EARS2: variants seen among roughly 807,000 people sequenced by gnomAD.
EARS2 encodes the protein nondiscriminating glutamyl-tRNA synthetase EARS2, mitochondrial.
EARS2 carries 50 observed loss-of-function variants against 54.1 expected under a neutral mutation model. The observed-to-expected ratio is 0.92, with a 90% CI of 0.74 to 1.17. The LOEUF (loss-of-function observed/expected upper bound fraction) is 1.17. EARS2 is among the 50% of genes most tolerant of loss of function. The pLI is 0.00. For synonymous variants in EARS2, 298 were observed against 281.0 expected (o/e 1.06, Z -0.61); for missense variants, 673 against 675.0 (o/e 1.00, Z 0.03).
At chr16:23,535,447 A>ACTGT in intron 3 of EARS2, 87 bp from the exon 4 acceptor site, 1 of 1,287,146 alleles carries the variant, frequency 7.8e-7, no homozygotes, top group South Asian at 1.4e-5. Flanking sequence ...TGTGACCTTA[A>ACTGT]GCAAGTCAGT....
chr16:23,548,927 G>A (rs1159724261), intron 2 of EARS2, among the ~76,000 whole-genome samples: 1 of 152,138 alleles, frequency 6.6e-6, no homozygotes, highest in African/African-American at 2.4e-5. Context: ...CAGCCTCACA[G>A]ATGGCTACCA....
chr16:23,544,577 A>G lies in EARS2; in HGVS notation c.422T>C (p.Phe141Ser). 6.2e-7 allele frequency: 1 copy of G among 1,614,110 alleles called. No homozygotes were observed. The highest frequency in any genetic ancestry group is 8.5e-7 in the Non-Finnish European group (1 of 1,180,020). ...GAGCTCCAGCCGCTGGGGTGAGCAG[A>G]AACAGGGGTAAGCAGCTCCGGTCTT... is the stretch of plus-strand genomic sequence containing the variant. ...LLKTGAAYPC[F>S]CSPQRLELLK... The change falls in exon 3 of 9, where the codon TTC (phenylalanine) becomes TCC (serine). Residue 141 changes from phenylalanine (F) to serine (S), a missense_variant. Around this residue, in one of 3 missense-constraint regions of EARS2, gnomAD observed 316 missense variants for 275.2 expected, o/e 1.15. Coordinates refer to ENST00000449606, the MANE Select transcript of EARS2 (RefSeq NM_001083614.2).
intron 5 of EARS2, among the ~76,000 whole-genome samples, chr16:23,530,940 G>A (rs1965316515): frequency 6.6e-6 from 1 of 151,984 alleles, no homozygotes; most frequent in African/African-American, 2.4e-5. Flanking sequence ...TGCCCAGGCT[G>A]GAGTGCAATG....
chr16:23,556,932 TACAC>T lies in EARS2; in HGVS notation c.139+269_139+272del, dbSNP rs899075473. The T allele has an allele frequency of 1.5e-5, 10 of 668,054 alleles. No homozygotes were observed. In the African/African-American group the frequency reaches 1.8e-4, roughly 12 times the overall value. The allele number at this position is 668,054 out of a possible 1,614,324, so 41.4% of individuals were successfully genotyped here. A position where few individuals can be genotyped will look rare whatever the true frequency, so the allele number is the denominator to read the frequency against. On this transcript the variant is annotated intron_variant, in intron 1 of 8. Coordinates refer to ENST00000449606, the MANE Select transcript of EARS2 (RefSeq NM_001083614.2). ...GTATCCCAGCGTCTACAACACCTGT[TACAC>T]AGGTTGTCATCAATGCACATGTATG...
chr16:23,539,665 A>AATAC (rs1472779845), intron 3 of EARS2, among the ~76,000 whole-genome samples: 3 of 152,146 alleles, frequency 2.0e-5, no homozygotes, highest in African/African-American at 7.2e-5. Flanking sequence ...TAAATAAATA[A>AATAC]ATAAATGGCT....
intron 7 of EARS2, among the ~76,000 whole-genome samples, chr16:23,527,192 C>T (rs1042840581): frequency 8.6e-5 from 13 of 151,826 alleles, no homozygotes; most frequent in Non-Finnish European, 1.6e-4. Context: ...TCTCAAACTC[C>T]TGGCTTCAAG....
intron 2 of EARS2, chr16:23,546,312 G>A: frequency 2.3e-6 from 1 of 443,348 alleles, no homozygotes; most frequent in African/African-American, 2.0e-5. Flanking sequence ...GGGAAGATAA[G>A]GACATTGTTC....
intron 3 of EARS2, among the ~76,000 whole-genome samples, chr16:23,542,490 AT>A (rs983867508): frequency 1.4e-4 from 20 of 147,394 alleles, no homozygotes; most frequent in African/African-American, 4.8e-4. Context: ...TAATTTTTGT[AT>A]TTTTAGCAGA....
In EARS2 at chr16:23,534,922, C is replaced by A; in HGVS notation, c.924G>T (p.Leu308Phe). ...CTGAGCCACAGTTGGTGATGATGTC[C>A]AACAAGGAATCGGGCAGGAAGCCAT... Reference protein sequence around the residue: ...AADGFLPDSLLDIITNCGSGF... With the variant: ...AADGFLPDSLFDIITNCGSGF... Residue 308 changes from leucine to phenylalanine, a missense_variant, in exon 4 of 9, where the codon TTG becomes TTT. This residue lies in a region of EARS2 where 338 missense variants were observed against 361.2 expected (regional missense o/e 0.94). Transcript: ENST00000449606. The A allele has an allele frequency of 6.3e-7, 1 of 1,593,632 alleles. No individual in the cohort carries two copies. The highest frequency in any genetic ancestry group is 8.6e-7 in the Non-Finnish European group (1 of 1,167,618).
chr16:23,527,935 C>CA (rs1965258303), intron 7 of EARS2, among the ~76,000 whole-genome samples: 1 of 152,170 alleles, frequency 6.6e-6, no homozygotes, highest in South Asian at 2.1e-4. Flanking sequence ...TTTTAACCCC[C>CA]AAGGGGACAG....
At chr16:23,534,080 G>A (rs1168397036) in intron 4 of EARS2, among the ~76,000 whole-genome samples, 9 of 151,534 alleles carry the variant, frequency 5.9e-5, no homozygotes, top group South Asian at 4.2e-4. Flanking sequence ...GTTAAGAACC[G>A]TAGTGCTGGG....
rs373749456 is a variant in EARS2, at chr16:23,529,836, G to A, written c.1129C>T (p.Gln377Ter). ...CCAAAGGCCTCCTCCACAAGGACCT[G>A]CAGCTTCCCCACCAGCTGGCGCCTC... ...SQRRQLVGKL[Q>*]VLVEEAFGCQ... The change falls in exon 6 of 9, where the codon CAG (glutamine) becomes TAG (stop). Residue 377 changes from glutamine to a stop codon, truncating the protein, a stop_gained. Coordinates refer to ENST00000449606, the MANE Select transcript of EARS2 (RefSeq NM_001083614.2). LOFTEE classifies it high-confidence loss of function. 19 of 1,614,138 alleles carry A rather than the reference G, an allele frequency of 1.2e-5. No individual in the cohort carries two copies. The highest frequency in any genetic ancestry group is 1.6e-5 in the Non-Finnish European group (19 of 1,180,012).
rs904854061 is a variant in EARS2 at position 23,521,894 on chromosome 16, C to T, written c.*2477G>A. On this transcript the variant is annotated 3_prime_UTR_variant, in exon 9 of 9. Transcript: ENST00000449606. ...TCAGAGTTAAGCTTGGACTCTGGAT[C>T]GGCACAGATCTGAGTTTAAATCTTG... 11 of 452,714 alleles carry T rather than the reference C, an allele frequency of 2.4e-5. No homozygotes were observed. Among genetic ancestry groups the T allele is most frequent in the African/African-American group, 6.0e-5 (3 of 50,074 alleles). The allele number at this position is 452,714 out of a possible 1,614,324, so 28.0% of individuals were successfully genotyped here. A position where few individuals can be genotyped will look rare whatever the true frequency, so the allele number is the denominator to read the frequency against.
intron 3 of EARS2, among the ~76,000 whole-genome samples, chr16:23,537,877 G>C (rs946602116): frequency 1.4e-5 from 2 of 146,318 alleles, no homozygotes; most frequent in Non-Finnish European, 3.0e-5. Flanking sequence ...CTGCAGCCTA[G>C]ACATTCCCAA....
Position 23,525,304 on chromosome 16 carries a change from C to T in EARS2, c.1428G>A (p.Leu476=). Residue 476 remains leucine (L), a synonymous_variant, in exon 8 of 9, where the codon CTG becomes CTA. Transcript: ENST00000449606. ...NGELKKLSEG[L]EGTKYSNVMK... ...TCACATTACTGTACTTGGTGCCTTCCAGACCTTCTGATAGCTTCTTCAGTT... is the reference window on the plus strand; with the variant it reads ...TCACATTACTGTACTTGGTGCCTTCTAGACCTTCTGATAGCTTCTTCAGTT... 1.2e-6 allele frequency: 2 copies of T among 1,614,126 alleles called. No individual in the cohort carries two copies. The highest frequency in any genetic ancestry group is 1.7e-6 in the Non-Finnish European group (2 of 1,180,034).
chr16:23,528,424 G>C (rs1965266313), intron 7 of EARS2, among the ~76,000 whole-genome samples: 1 of 152,238 alleles, frequency 6.6e-6, no homozygotes. Context: ...TTCCAGACCT[G>C]CTAGAGCTGG....
chr16:23,552,313 G>A lies in EARS2; in HGVS notation c.140-9C>T, dbSNP rs1244162846. 1.7e-5 allele frequency: 28 copies of A among 1,613,944 alleles called. No individual in the cohort carries two copies. Among genetic ancestry groups the A allele is most frequent in the Non-Finnish European group, 2.3e-5 (27 of 1,179,826 alleles). On this transcript the variant is annotated splice_polypyrimidine_tract_variant and intron_variant, in intron 1 of 8. Coordinates refer to ENST00000449606, the MANE Select transcript of EARS2 (RefSeq NM_001083614.2). ...ACCCAGGTGCAAGAAGCCTGGAGAA[G>A]AGAACAGCTCAGATAAGACAGGGAA...
chr16:23,524,390 T>G lies in EARS2; in HGVS notation c.1553A>C (p.Gln518Pro). 3.7e-6 allele frequency: 6 copies of G among 1,614,178 alleles called. No homozygotes were observed. Among genetic ancestry groups the G allele is most frequent in the Non-Finnish European group, 5.1e-6 (6 of 1,179,998 alleles). Residue 518 changes from glutamine (Q) to proline (P), a missense_variant, in exon 9 of 9, where the codon CAG (glutamine) becomes CCG (proline). Gln to Pro is a moderately conservative substitution (Grantham distance 76). This residue lies in a region of EARS2 where 338 missense variants were observed against 361.2 expected (regional missense o/e 0.94). Transcript: ENST00000449606. ...CTCTCCCTAGCTGGAAACCACCTTCTGGATCCGTTCCCGTACTTCCTTTGG... is the reference window on the plus strand; with the variant it reads ...CTCTCCCTAGCTGGAAACCACCTTCGGGATCCGTTCCCGTACTTCCTTTGG... ...LGPKEVRERIQKVVSS is the reference protein window; with the variant it reads ...LGPKEVRERIPKVVSS
Position 23,529,822 on chromosome 16 carries a change from C to T in EARS2, c.1143G>A (p.Glu381=). 1.2e-6 allele frequency: 2 copies of T among 1,614,166 alleles called. No individual in the cohort carries two copies. The highest frequency in any genetic ancestry group is 2.2e-5 in the East Asian group (1 of 44,872). The change falls in exon 6 of 9, where the codon GAG becomes GAA. Residue 381 remains glutamate, a synonymous_variant. Transcript: ENST00000449606. ...QLVGKLQVLV[E]EAFGCQLQNR... ...TTTGCAGCTGGCAACCAAAGGCCTC[C>T]TCCACAAGGACCTGCAGCTTCCCCA...
Sources: allele counts gnomAD v4.1 joint callset (sites outside exome capture counted in the v4.1 genomes callset), GRCh38; gene constraint gnomAD v4.1.1; regional missense constraint gnomAD v4.1.1; transcripts MANE v1.5; gene names NCBI Gene and HGNC (gene_info 2026-07-23, HGNC 2026-07-21).